HHIP: variants seen among roughly 807,000 people sequenced by gnomAD.
HHIP encodes the protein hedgehog-interacting protein.
A neutral mutation model predicts 74.0 loss-of-function variants in HHIP; 12 were observed. The observed-to-expected ratio is 0.16, with a 90% CI of 0.10 to 0.26. The LOEUF is 0.26. Ranked by LOEUF, HHIP falls within the 10% of genes least tolerant of loss-of-function variation. HHIP has a pLI of 1.00. For missense variants in HHIP, 788 were observed against 845.0 expected (o/e 0.93, Z 0.84); for synonymous variants, 309 against 311.6 (o/e 0.99, Z 0.09).
intron 4 of HHIP, among the ~76,000 whole-genome samples, chr4:144,704,592 T>C (rs888696602): frequency 1.3e-5 from 2 of 152,238 alleles, no homozygotes; most frequent in Non-Finnish European, 2.9e-5. Context: ...AGCATGTTGC[T>C]ATCCAATTCA....
At chr4:144,717,850 G>A (rs1307170855) in intron 10 of HHIP, among the ~76,000 whole-genome samples, 2 of 151,830 alleles carry the variant, frequency 1.3e-5, no homozygotes, top group African/African-American at 4.8e-5. Context: ...GCTAAAGAAG[G>A]CACAACCCAA....
intron 4 of HHIP, among the ~76,000 whole-genome samples, chr4:144,662,866 C>G (rs529028415): frequency 9.2e-5 from 14 of 152,300 alleles, no homozygotes; most frequent in Middle Eastern, 3.4e-3. Context: ...GCTCTGAAAT[C>G]AGAGCTTCTG....
At chr4:144,708,091 G>A in intron 6 of HHIP, 77 bp from the exon 7 acceptor site, 1 of 1,459,626 alleles carries the variant, frequency 6.9e-7, no homozygotes, top group South Asian at 1.2e-5. Context: ...CATCAATAGA[G>A]CAACCTCACC....
chr4:144,703,101 G>A (rs1376612788), intron 4 of HHIP, among the ~76,000 whole-genome samples: 1 of 151,850 alleles, frequency 6.6e-6, no homozygotes, highest in Non-Finnish European at 1.5e-5. Context: ...GTAATCCCAA[G>A]TACCCGGGAG....
At chr4:144,687,190 A>C (rs1422169281) in intron 4 of HHIP, among the ~76,000 whole-genome samples, 2 of 152,162 alleles carry the variant, frequency 1.3e-5, no homozygotes, top group East Asian at 3.9e-4. Context: ...CATGCCATAA[A>C]TCCTATAACA....
At chr4:144,728,937 ATCCT>A (rs1240983030) in intron 11 of HHIP, among the ~76,000 whole-genome samples, 1 of 152,006 alleles carries the variant, frequency 6.6e-6, no homozygotes, top group Non-Finnish European at 1.5e-5. Flanking sequence ...CATGCGGTAA[ATCCT>A]TCAGAATACA....
At chr4:144,710,368 T>G (rs1034566035) in intron 7 of HHIP, among the ~76,000 whole-genome samples, 5 of 152,182 alleles carry the variant, frequency 3.3e-5, no homozygotes, top group African/African-American at 1.2e-4. Flanking sequence ...GAGAGGACAA[T>G]AAAGGGACTG....
chr4:144,663,724 C>T (rs962480614), intron 4 of HHIP, among the ~76,000 whole-genome samples: 1 of 152,012 alleles, frequency 6.6e-6, no homozygotes, highest in South Asian at 2.1e-4. Flanking sequence ...ATGGCTTTAC[C>T]AGTTAATCTT....
At chr4:144,695,378 A>C (rs1432976539) in intron 4 of HHIP, among the ~76,000 whole-genome samples, 4 of 151,828 alleles carry the variant, frequency 2.6e-5, no homozygotes, top group African/African-American at 9.7e-5. Context: ...GAATATCCAA[A>C]TTTAAATCTA....
chr4:144,719,651 T>C (rs938989852), intron 11 of HHIP, among the ~76,000 whole-genome samples: 8 of 152,206 alleles, frequency 5.3e-5, no homozygotes, highest in African/African-American at 1.9e-4. Flanking sequence ...ACCTGAGCTA[T>C]CAGAAGCTGA....
chr4:144,646,929 C>T lies in HHIP; in HGVS notation c.254C>T (p.Pro85Leu). The T allele has an allele frequency of 6.2e-7, 1 of 1,612,168 alleles. No homozygotes were observed. Among genetic ancestry groups the T allele is most frequent in the Non-Finnish European group, 8.5e-7 (1 of 1,178,672 alleles). ...TCCTGCTGCCTGCGGAGTGACAGCC[C>T]GGGGCTAGGGCGCCTGGAGAATAAG... Reference protein sequence around the residue: ...RLSCCLRSDSPGLGRLENKIF... With the variant: ...RLSCCLRSDSLGLGRLENKIF... The change falls in exon 1 of 13, where the codon CCG becomes CTG. Residue 85 changes from proline to leucine, a missense_variant. Around this residue, in one of 3 missense-constraint regions of HHIP, gnomAD observed 373 missense variants for 366.4 expected, o/e 1.02. Transcript: ENST00000296575.
chr4:144,708,654 G>T (rs1292973914), intron 7 of HHIP, among the ~76,000 whole-genome samples: 1 of 152,114 alleles, frequency 6.6e-6, no homozygotes, highest in Non-Finnish European at 1.5e-5. Context: ...TCAACTTTTT[G>T]ATTTGTCTCC....
At chr4:144,698,893 T>A (rs1729898051) in intron 4 of HHIP, among the ~76,000 whole-genome samples, 1 of 152,178 alleles carries the variant, frequency 6.6e-6, no homozygotes, top group African/African-American at 2.4e-5. Context: ...TACCAAATTA[T>A]TAGAAGTATT....
At chr4:144,646,982 G>A (rs1264116923) in intron 1 of HHIP, 28 bp downstream of exon 1, 3 of 1,557,298 alleles carry the variant, frequency 1.9e-6, no homozygotes, top group South Asian at 1.2e-5. Flanking sequence ...TCACGGATGC[G>A]TACTTGGCAT....
At chr4:144,689,080 T>A (rs1729574130) in intron 4 of HHIP, among the ~76,000 whole-genome samples, 1 of 152,252 alleles carries the variant, frequency 6.6e-6, no homozygotes, top group African/African-American at 2.4e-5. Flanking sequence ...GATTAGGTCA[T>A]ACAATTCTTT....
intron 4 of HHIP, among the ~76,000 whole-genome samples, chr4:144,693,580 T>G (rs1320243148): frequency 6.6e-6 from 1 of 152,050 alleles, no homozygotes; most frequent in Non-Finnish European, 1.5e-5. Flanking sequence ...AGTTTTTTCT[T>G]TTGTGACTTT....
intron 4 of HHIP, among the ~76,000 whole-genome samples, chr4:144,672,490 C>T (rs1729066804): frequency 6.6e-6 from 1 of 151,954 alleles, no homozygotes; most frequent in Non-Finnish European, 1.5e-5. Flanking sequence ...CAGCCTGGAA[C>T]TGAGTGAAGG....
intron 11 of HHIP, among the ~76,000 whole-genome samples, chr4:144,730,570 G>A (rs779587437): frequency 3.9e-5 from 6 of 151,990 alleles, no homozygotes; most frequent in Non-Finnish European, 8.8e-5. Context: ...TTATTAGATC[G>A]TACATTAAAG....
intron 1 of HHIP, among the ~76,000 whole-genome samples, chr4:144,647,607 C>T (rs1728303645): frequency 6.6e-6 from 1 of 152,024 alleles, no homozygotes; most frequent in Admixed American, 6.6e-5. Flanking sequence ...TTCAGACTTT[C>T]AGGGTCAGTT....
Sources: allele counts gnomAD v4.1 joint callset (sites outside exome capture counted in the v4.1 genomes callset), GRCh38; gene constraint gnomAD v4.1.1; regional missense constraint gnomAD v4.1.1; transcripts MANE v1.5; gene names NCBI Gene and HGNC (gene_info 2026-07-23, HGNC 2026-07-21).